The following ABHD12 variants were observed in gnomAD, a reference collection of about 807,000 sequenced individuals.
ABHD12 encodes the protein lysophosphatidylserine lipase ABHD12.
Under a neutral mutation model 58.3 loss-of-function variants are expected in ABHD12, and 43 were observed. The observed-to-expected ratio is 0.74, with a 90% CI of 0.58 to 0.95. The LOEUF (loss-of-function observed/expected upper bound fraction) is 0.95. ABHD12 is among the 40% of genes least tolerant of loss of function. The pLI is 0.00. For missense variants in ABHD12, 539 were observed against 537.2 expected (o/e 1.00, Z -0.03); for synonymous variants, 219 against 211.2 (o/e 1.04, Z -0.32).
downstream of ABHD12, chr20:25,295,547 G>A (rs2088527995): frequency 6.4e-7 from 1 of 1,556,258 alleles, no homozygotes; most frequent in East Asian, 2.2e-5. Context: ...CTCCCCTCGG[G>A]ACAGTGTGGG....
chr20:25,379,786 T>C lies in ABHD12; in HGVS notation c.191+10727A>G, dbSNP rs185687998. Among the ~76,000 whole-genome samples the C allele has an allele frequency of 2.4e-3, 367 of 152,280 alleles. 2 individuals carry two copies. The highest frequency in any genetic ancestry group is 8.2e-3 in the African/African-American group (339 of 41,556). ...CTCTGTTGCCCAGACCAGAGTGCAG[T>C]GGCTTGATCATGGCTCACACAGTCT... On this transcript the variant is annotated intron_variant, in intron 1 of 12. Transcript: ENST00000339157.
chr20:25,361,030 C>CA (rs2089739707), intron 1 of ABHD12, among the ~76,000 whole-genome samples: 1 of 152,234 alleles, frequency 6.6e-6, no homozygotes, highest in Non-Finnish European at 1.5e-5. Flanking sequence ...CCGCAGCTCT[C>CA]AGAGAGCTGG....
At chr20:25,384,450 TAAAC>T (rs1472999974) in intron 1 of ABHD12, among the ~76,000 whole-genome samples, 13 of 149,976 alleles carry the variant, frequency 8.7e-5, no homozygotes, top group African/African-American at 1.2e-4. Flanking sequence ...AAAAACTATA[TAAAC>T]AAACAAAAGG....
intron 1 of ABHD12, chr20:25,389,962 G>C (rs2090147058): frequency 6.6e-6 from 1 of 152,416 alleles, no homozygotes; most frequent in Non-Finnish European, 1.5e-5. Flanking sequence ...CGCCAGTAAG[G>C]CTCCGCGCAC....
chr20:25,375,674 T>C (rs999269606), intron 1 of ABHD12, among the ~76,000 whole-genome samples: 2 of 149,980 alleles, frequency 1.3e-5, no homozygotes, highest in Admixed American at 6.6e-5. Flanking sequence ...TGTCTGTCAC[T>C]TCTCCGAGTT....
intron 1 of ABHD12, among the ~76,000 whole-genome samples, chr20:25,387,487 C>T (rs1444444141): frequency 6.7e-6 from 1 of 148,486 alleles, no homozygotes; most frequent in Non-Finnish European, 1.5e-5. Context: ...AGGCCTGGCA[C>T]GGTATTTCAT....
At chr20:25,383,411 T>C (rs1274207644) in intron 1 of ABHD12, among the ~76,000 whole-genome samples, 2 of 152,188 alleles carry the variant, frequency 1.3e-5, no homozygotes, top group Non-Finnish European at 2.9e-5. Flanking sequence ...GGATAAAGAC[T>C]AGGTAACACA....
chr20:25,307,590 G>A (rs2088768481), intron 9 of ABHD12, among the ~76,000 whole-genome samples: 2 of 152,248 alleles, frequency 1.3e-5, no homozygotes, highest in African/African-American at 4.8e-5. Flanking sequence ...TGGAAGGCCA[G>A]ACTCCCTGGT....
At chr20:25,306,299 A>C (rs1319289490) in intron 10 of ABHD12, among the ~76,000 whole-genome samples, 2 of 152,122 alleles carry the variant, frequency 1.3e-5, no homozygotes, top group Admixed American at 1.3e-4. Context: ...TGTTATTTTA[A>C]TATTGCTTTA....
intron 7 of ABHD12, among the ~76,000 whole-genome samples, 155 bp from the exon 8 acceptor site, chr20:25,308,649 G>A (rs759948584): frequency 3.9e-5 from 6 of 152,226 alleles, no homozygotes; most frequent in Non-Finnish European, 8.8e-5. Flanking sequence ...CTCTAGCACT[G>A]GGGGTGACCT....
chr20:25,335,787 T>C (rs531039386), intron 2 of ABHD12, among the ~76,000 whole-genome samples: 10 of 135,622 alleles, frequency 7.4e-5, no homozygotes, highest in African/African-American at 2.8e-4. Context: ...AAGGGGAACA[T>C]CACACTCTGG....
intron 1 of ABHD12, chr20:25,368,546 C>T: frequency 2.8e-6 from 4 of 1,417,606 alleles, no homozygotes; most frequent in Non-Finnish European, 4.0e-6. Flanking sequence ...AATGGACTTG[C>T]CACCAGTGCC....
At position 25,390,756 on chromosome 20, in the gene ABHD12, T is replaced by C. The variant is rs1375961017; in HGVS notation, c.-53A>G. ...CGGCGCCCGCTGGCCTGCGCCGCAG[T>C]GCCGCCGCTCACAGCCGCCGCCACC... is the stretch of plus-strand genomic sequence containing the variant. On this transcript the variant is annotated 5_prime_UTR_variant, in exon 1 of 13. Transcript: ENST00000339157. 27 of 488,296 alleles carry C rather than the reference T, an allele frequency of 5.5e-5. No individual in the cohort carries two copies. The highest frequency in any genetic ancestry group is 2.6e-4 in the South Asian group (4 of 15,278). 30.2% of individuals were successfully genotyped at this position (488,296 alleles called of 1,614,324 possible).
chr20:25,334,610 T>C (rs1426214229), intron 2 of ABHD12, among the ~76,000 whole-genome samples: 1 of 151,774 alleles, frequency 6.6e-6, no homozygotes, highest in African/African-American at 2.4e-5. Context: ...AACAGAGATA[T>C]AGATCAATGG....
intron 3 of ABHD12, among the ~76,000 whole-genome samples, chr20:25,322,102 A>G (rs1449752572): frequency 1.3e-5 from 2 of 152,120 alleles, no homozygotes; most frequent in Admixed American, 6.6e-5. Context: ...CACTTCTCAG[A>G]GAAAAACGGA....
At chr20:25,379,764 T>TG (rs2090000816) in intron 1 of ABHD12, among the ~76,000 whole-genome samples, 1 of 152,214 alleles carries the variant, frequency 6.6e-6, no homozygotes, top group African/African-American at 2.4e-5. Flanking sequence ...GGTGTCACTC[T>TG]GTTGCCCAGA....
intron 1 of ABHD12, among the ~76,000 whole-genome samples, chr20:25,367,855 T>C (rs184447167): frequency 6.6e-6 from 1 of 152,242 alleles, no homozygotes; most frequent in Non-Finnish European, 1.5e-5. Flanking sequence ...GCTATGAACA[T>C]GGGTGTACAA....
chr20:25,311,486 G>A (rs1341581811), intron 6 of ABHD12, among the ~76,000 whole-genome samples: 1 of 152,230 alleles, frequency 6.6e-6, no homozygotes, highest in African/African-American at 2.4e-5. Flanking sequence ...CGCTACATGT[G>A]TGCTGGTTTA....
At chr20:25,299,134 G>A (rs536925452), downstream of ABHD12, among the ~76,000 whole-genome samples, 109 of 152,350 alleles carry the variant, frequency 7.2e-4, no homozygotes, top group Admixed American at 9.1e-4. Context: ...TGAGTGCAAT[G>A]GCTCATGCCT....
Sources: allele counts gnomAD v4.1 joint callset (sites outside exome capture counted in the v4.1 genomes callset), GRCh38; gene constraint gnomAD v4.1.1; transcripts MANE v1.5; gene names NCBI Gene and HGNC (gene_info 2026-07-23, HGNC 2026-07-21).